NAAA: variants seen among roughly 807,000 people sequenced by gnomAD.
The protein encoded by NAAA is N-acylethanolamine acid amidase, also known as N-acylethanolamine-hydrolyzing acid amidase.
NAAA carries 39 observed loss-of-function variants against 44.8 expected under a neutral mutation model. That is an observed-to-expected ratio of 0.87 (90% CI 0.67 to 1.14). The LOEUF is 1.14. NAAA is among the 50% of genes most tolerant of loss of function. The pLI, the probability that NAAA is intolerant of heterozygous loss-of-function variation, is 0.00. For synonymous variants in NAAA, 178 were observed against 191.3 expected (o/e 0.93, Z 0.58); for missense variants, 460 against 467.8 (o/e 0.98, Z 0.15).
At chr4:75,932,922 G>C (rs928467660) in intron 3 of NAAA, among the ~76,000 whole-genome samples, 2 of 152,018 alleles carry the variant, frequency 1.3e-5, no homozygotes, top group Non-Finnish European at 2.9e-5. Context: ...ATCACTTGAG[G>C]CCAGGAATTT....
intron 8 of NAAA, chr4:75,919,597 G>A: frequency 2.3e-6 from 1 of 430,168 alleles, no homozygotes; most frequent in Non-Finnish European, 4.1e-6. Context: ...TCCTGCCTCA[G>A]CCTCTGGAGT....
At chr4:75,911,003 C>A (rs1725304325), downstream of NAAA, among the ~76,000 whole-genome samples, 1 of 152,018 alleles carries the variant, frequency 6.6e-6, no homozygotes, top group African/African-American at 2.4e-5. Flanking sequence ...GTGGATCTTA[C>A]AAAGTACATT....
intron 9 of NAAA, among the ~76,000 whole-genome samples, chr4:75,915,421 T>C (rs1725544619): frequency 6.6e-6 from 1 of 152,148 alleles, no homozygotes; most frequent in Non-Finnish European, 1.5e-5. Context: ...GACCAAGCCT[T>C]GGCCCTCACC....
At chr4:75,912,613 A>C (rs912093175), downstream of NAAA, among the ~76,000 whole-genome samples, 1 of 152,024 alleles carries the variant, frequency 6.6e-6, no homozygotes, top group African/African-American at 2.4e-5. Flanking sequence ...CATTTCTACT[A>C]AAAATACAGA....
Position 75,931,197 on chromosome 4 carries a change from G to T in NAAA, c.589+17C>A. 2 of 1,600,222 alleles carry T rather than the reference G, an allele frequency of 1.2e-6. No homozygotes were observed. Among genetic ancestry groups the T allele is most frequent in the Non-Finnish European group, 1.7e-6 (2 of 1,168,464 alleles). On this transcript the variant is annotated intron_variant, in intron 4 of 10. Transcript: ENST00000286733. Reference sequence around the variant, plus strand: ...CAATAATGTAGCTAAAATTACACAGGGGTTTGTTTTGATTACCTCGTTCAT... The same window carrying T: ...CAATAATGTAGCTAAAATTACACAGTGGTTTGTTTTGATTACCTCGTTCAT...
At chr4:75,937,590 ATCC>A (rs1325578938) in intron 2 of NAAA, among the ~76,000 whole-genome samples, 1 of 151,982 alleles carries the variant, frequency 6.6e-6, no homozygotes, top group Non-Finnish European at 1.5e-5. Flanking sequence ...GGCTGAAGCG[ATCC>A]TCCCACTTCA....
In NAAA at chr4:75,940,791, CCG is replaced by C; in HGVS notation, c.157_158del (p.Arg53AlafsTer51). The C allele has an allele frequency of 6.3e-7, 1 of 1,599,036 alleles. No homozygotes were observed. Among genetic ancestry groups the C allele is most frequent in the Non-Finnish European group, 8.5e-7 (1 of 1,178,860 alleles). On this transcript the variant is annotated frameshift_variant, in exon 1 of 11. Coordinates refer to ENST00000286733, the MANE Select transcript of NAAA (RefSeq NM_014435.4). LOFTEE classifies it high-confidence loss of function. ...VPELRWLPVL[R>X]HYDLDLVRAA... is the part of the protein sequence containing the mutation. ...CGCGCACCAAGTCCAAGTCGTAGTG[CCG>C]CAGCACGGGCAGCCAGCGCAGCTCG...
chr4:75,933,416 C>T lies in NAAA; in HGVS notation c.499-2112G>A, dbSNP rs148180748. On this transcript the variant is annotated intron_variant, in intron 3 of 10. Coordinates refer to ENST00000286733, the MANE Select transcript of NAAA (RefSeq NM_014435.4). ...GACCTCCATGAATGTCTCATCTCCA[C>T]GCATGGTGGTAAAGCAGAAATAAGT... is the stretch of plus-strand genomic sequence containing the variant. 5.6e-4 allele frequency among the ~76,000 whole-genome samples: 85 copies of T among 152,134 alleles called. No homozygotes were observed. The East Asian group carries it at 7.5e-3, about 13-fold the overall frequency.
chr4:75,932,599 C>CA (rs1727328845), intron 3 of NAAA, among the ~76,000 whole-genome samples: 1 of 151,878 alleles, frequency 6.6e-6, no homozygotes, highest in Non-Finnish European at 1.5e-5. Context: ...CCTCCCACCT[C>CA]AGTTTTCCAA....
At chr4:75,918,036 G>A (rs1252845519) in intron 9 of NAAA, among the ~76,000 whole-genome samples, 9 of 152,218 alleles carry the variant, frequency 5.9e-5, no homozygotes, top group Non-Finnish European at 1.3e-4. Flanking sequence ...ACAGCTACCT[G>A]ACTGAGTTAG....
At chr4:75,923,489 G>T (rs1021815094) in intron 5 of NAAA, among the ~76,000 whole-genome samples, 8 of 151,990 alleles carry the variant, frequency 5.3e-5, no homozygotes, top group Non-Finnish European at 8.8e-5. Flanking sequence ...ACAGAAAAGG[G>T]CTACCTGGGA....
chr4:75,920,461 C>T (rs146705647), intron 7 of NAAA, among the ~76,000 whole-genome samples: 167 of 152,262 alleles, frequency 1.1e-3, no homozygotes, highest in African/African-American at 3.8e-3. Flanking sequence ...AACAGAGGCC[C>T]GAGAGCCACC....
chr4:75,916,279 AT>A (rs1725619737), intron 9 of NAAA, among the ~76,000 whole-genome samples: 1 of 152,126 alleles, frequency 6.6e-6, no homozygotes, highest in South Asian at 2.1e-4. Flanking sequence ...TATTAACCTA[AT>A]ACAACTGAAC....
Position 75,941,011 on chromosome 4 carries a change from C to T in NAAA, c.-62G>A. ...AGCCGCTGTCGGAGCCCGGGTAAGC[C>T]GTGGAGGAGGAGGAGCTGGGGCTGG... On this transcript the variant is annotated 5_prime_UTR_variant, in exon 1 of 11. Transcript: ENST00000286733. 2 of 1,401,060 alleles carry T rather than the reference C, an allele frequency of 1.4e-6. No homozygotes were observed. The highest frequency in any genetic ancestry group is 3.2e-5 in the Admixed American group (1 of 31,500). The allele number at this position is 1,401,060 out of a possible 1,614,324, so 86.8% of individuals were successfully genotyped here. A position where few individuals can be genotyped will look rare whatever the true frequency, so the allele number is the denominator to read the frequency against.
intron 9 of NAAA, chr4:75,917,551 G>A (rs534324143): frequency 1.2e-4 from 21 of 169,432 alleles, no homozygotes; most frequent in Non-Finnish European, 2.5e-4. Flanking sequence ...TTGCAGCCTC[G>A]ACTTCCCAGG....
At chr4:75,930,777 TA>T (rs1216491270) in intron 4 of NAAA, among the ~76,000 whole-genome samples, 1 of 152,214 alleles carries the variant, frequency 6.6e-6, no homozygotes, top group Non-Finnish European at 1.5e-5. Context: ...TCTTCACTTC[TA>T]ATGTCACTAC....
At chr4:75,934,293 G>A (rs1727511562) in intron 3 of NAAA, among the ~76,000 whole-genome samples, 1 of 151,574 alleles carries the variant, frequency 6.6e-6, no homozygotes, top group Admixed American at 6.6e-5. Flanking sequence ...TGGGGGGATC[G>A]AATGAGGTCC....
rs1728236835 is a variant in NAAA, at chr4:75,940,942, G to A, written c.8C>T (p.Thr3Ile). ...CCCCGGGCGCGCCTCCCGGTCCGCG[G>A]TCCGCATGGCTCGGGCTCCAGCGGC... MR[T>I]ADREARPGLP... Residue 3 changes from threonine to isoleucine, a missense_variant, in exon 1 of 11, where the codon ACC (threonine) becomes ATC (isoleucine). Physicochemically the swap from Thr to Ile is moderately conservative, Grantham distance 89 (BLOSUM62 -1). Coordinates refer to ENST00000286733, the MANE Select transcript of NAAA (RefSeq NM_014435.4). 2 of 1,496,290 alleles carry A rather than the reference G, an allele frequency of 1.3e-6. No homozygotes were observed. The highest frequency in any genetic ancestry group is 1.8e-6 in the Non-Finnish European group (2 of 1,131,558). The allele number at this position is 1,496,290 out of a possible 1,614,324, so 92.7% of individuals were successfully genotyped here.
chr4:75,923,315 A>G (rs1578052729), intron 5 of NAAA, among the ~76,000 whole-genome samples: 1 of 152,152 alleles, frequency 6.6e-6, no homozygotes, highest in Admixed American at 6.6e-5. Flanking sequence ...GAAAGAAATT[A>G]GGCAGATAGT....
Sources: gnomAD v4.1 joint callset for allele counts (sites outside exome capture counted in the v4.1 genomes callset) on GRCh38, gnomAD v4.1.1 for gene constraint, MANE v1.5 for transcripts, NCBI Gene and HGNC (gene_info 2026-07-23, HGNC 2026-07-21) for gene names.